The following MTRF1 variants were observed in gnomAD, a reference collection of about 807,000 sequenced individuals.
MTRF1 encodes the protein mitochondrial translation release factor 1, also known as peptide chain release factor 1, mitochondrial.
In MTRF1, 51 loss-of-function variants were observed where a neutral mutation model predicts 62.9. That is an observed-to-expected ratio of 0.81 (90% CI 0.65 to 1.02). The LOEUF is 1.02. MTRF1 is among the 50% of genes least tolerant of loss of function. MTRF1 has a pLI of 0.00. For missense variants in MTRF1, 446 were observed against 530.0 expected (o/e 0.84, Z 1.56); for synonymous variants, 158 against 181.9 (o/e 0.87, Z 1.06).
At chr13:41,240,195 G>T in intron 6 of MTRF1, 66 bp downstream of exon 6, 1 of 1,419,906 alleles carries the variant, frequency 7.0e-7, no homozygotes, top group Non-Finnish European at 9.5e-7. Context: ...TTTCCTAGAA[G>T]CTAAGGCTTC....
chr13:41,285,518 A>G, the MTRF1 span, among the ~76,000 whole-genome samples: 1 of 152,170 alleles, frequency 6.6e-6, no homozygotes, highest in Non-Finnish European at 1.5e-5. Context: ...GCCCTGCTGG[A>G]TGCTACAGAC....
Position 41,260,543 on chromosome 13 carries a change from T to C in MTRF1, c.365A>G (p.Glu122Gly). The change falls in exon 2 of 10, where the codon GAA (glutamate) becomes GGA (glycine). Residue 122 changes from glutamate (E) to glycine (G), a missense_variant. Transcript: ENST00000379480. ...ELAPLAAIYQ[E>G]IQETEQAIEE... ...AATTGCTTGTTCAGTCTCCTGAATT[T>C]CTTGGTAAATGGCTGCAAGAGGTGC... 1.9e-6 allele frequency: 3 copies of C among 1,614,130 alleles called. No homozygotes were observed. The highest frequency in any genetic ancestry group is 2.5e-6 in the Non-Finnish European group (3 of 1,180,008).
At chr13:41,271,091 A>ACACCC in the MTRF1 span, among the ~76,000 whole-genome samples, 2 of 137,128 alleles carry the variant, frequency 1.5e-5, no homozygotes, top group African/African-American at 5.5e-5. Flanking sequence ...ACACACACAC[A>ACACCC]CCCCATATAG....
At chr13:41,248,498 G>A (rs541746563) in intron 5 of MTRF1, among the ~76,000 whole-genome samples, 15 of 152,298 alleles carry the variant, frequency 9.8e-5, no homozygotes, top group African/African-American at 2.9e-4. Flanking sequence ...GGTACCACCA[G>A]TTGGCCCCTG....
At chr13:41,287,182 G>T in the MTRF1 span, among the ~76,000 whole-genome samples, 1 of 152,170 alleles carries the variant, frequency 6.6e-6, no homozygotes, top group African/African-American at 2.4e-5. Context: ...AGGTTTAATT[G>T]GCTCACGGTT....
At position 41,226,536 on chromosome 13, in the gene MTRF1, G is replaced by A; in HGVS notation, c.1021C>T (p.Gln341Ter). 1.2e-6 allele frequency: 2 copies of A among 1,613,744 alleles called. No homozygotes were observed. The highest frequency in any genetic ancestry group is 1.7e-6 in the Non-Finnish European group (2 of 1,179,902). The change falls in exon 8 of 10, where the codon CAG (glutamine) becomes TAG (stop). Residue 341 changes from glutamine to a stop codon, truncating the protein, a stop_gained. Coordinates refer to ENST00000379480, the MANE Select transcript of MTRF1 (RefSeq NM_004294.4). LOFTEE classifies it high-confidence loss of function. The stretch of plus-strand genomic sequence containing the variant: ...AAGGCTATTTCTTTATTTTTTATCT[G>A]TGATCTTTCTTGTTGGCATTCTACT... ...LVVECQQERS[Q>*]IKNKEIAFRV...
intron 7 of MTRF1, among the ~76,000 whole-genome samples, chr13:41,227,134 A>C (rs1256760261): frequency 1.3e-5 from 2 of 152,058 alleles, no homozygotes; most frequent in South Asian, 4.2e-4. Context: ...AAAAATACAA[A>C]AAATTAGCCA....
chr13:41,229,950 A>G (rs150960325), intron 7 of MTRF1, among the ~76,000 whole-genome samples: 2,413 of 152,008 alleles, frequency 0.016, 39 homozygotes, highest in Non-Finnish European at 0.02. Context: ...AAAATACAAA[A>G]ATTAGCCAGG....
chr13:41,259,691 G>A (rs2040173183), intron 2 of MTRF1, among the ~76,000 whole-genome samples: 2 of 20,682 alleles, frequency 9.7e-5, no homozygotes, highest in African/African-American at 1.5e-4. Flanking sequence ...GACAGAGCGA[G>A]ACTCCGTCTC....
chr13:41,230,325 C>T lies in MTRF1; in HGVS notation c.988+3565G>A, dbSNP rs150091611. Among the ~76,000 whole-genome samples the T allele has an allele frequency of 4.6e-3, 697 of 151,014 alleles. 5 individuals carry two copies. Among genetic ancestry groups the T allele is most frequent in the African/African-American group, 0.016 (641 of 41,112 alleles). ...TGTTGCCCAGGCTGGAGTGCAATGG[C>T]GTGATCTCAGTTCACTGCAACCTCT... On this transcript the variant is annotated intron_variant, in intron 7 of 9. Transcript: ENST00000379480.
chr13:41,311,893 C>A, the MTRF1 span, among the ~76,000 whole-genome samples: 4 of 152,246 alleles, frequency 2.6e-5, no homozygotes, highest in African/African-American at 9.6e-5. Context: ...TAGTGGCTGC[C>A]GTGCTCTCTG....
At chr13:41,295,233 G>A in the MTRF1 span, among the ~76,000 whole-genome samples, 11 of 152,258 alleles carry the variant, frequency 7.2e-5, no homozygotes, top group East Asian at 1.5e-3. Context: ...TCTTGAAGGT[G>A]TAGAAAAGCA....
At chr13:41,253,589 C>T (rs764213117) in intron 3 of MTRF1, among the ~76,000 whole-genome samples, 11 of 152,048 alleles carry the variant, frequency 7.2e-5, no homozygotes, top group Non-Finnish European at 1.0e-4. Context: ...AGAAAGTAAC[C>T]GACATTCCTC....
intron 2 of MTRF1, among the ~76,000 whole-genome samples, chr13:41,258,575 C>A (rs111863772): frequency 0.062 from 8,173 of 132,678 alleles, 273 homozygotes; most frequent in Non-Finnish European, 0.082. Context: ...AAAAAAAAAA[C>A]AAAAAAAAAA....
chr13:41,297,651 C>T, the MTRF1 span, among the ~76,000 whole-genome samples: 2 of 151,858 alleles, frequency 1.3e-5, no homozygotes, highest in Non-Finnish European at 2.9e-5. Flanking sequence ...TCTTGGCTCA[C>T]CACAACCTCT....
chr13:41,270,928 G>A, the MTRF1 span, among the ~76,000 whole-genome samples: 1 of 151,988 alleles, frequency 6.6e-6, no homozygotes, highest in Non-Finnish European at 1.5e-5. Flanking sequence ...TAGTAGAGAT[G>A]GGGTTTCACC....
the MTRF1 span, among the ~76,000 whole-genome samples, chr13:41,294,769 G>A: frequency 1.3e-5 from 2 of 152,136 alleles, no homozygotes; most frequent in East Asian, 3.8e-4. Context: ...GATAAGGTTT[G>A]TGAAAAGAAA....
chr13:41,258,668 C>A (rs563058938), intron 2 of MTRF1, among the ~76,000 whole-genome samples: 3 of 150,690 alleles, frequency 2.0e-5, no homozygotes, highest in African/African-American at 4.9e-5. Flanking sequence ...ATAAAAAATA[C>A]GTCAGTCTTG....
intron 5 of MTRF1, 35 bp downstream of exon 5, chr13:41,252,610 G>A (rs760615957): frequency 6.7e-7 from 1 of 1,497,798 alleles, no homozygotes; most frequent in South Asian, 1.1e-5. Context: ...ATAATTTTCA[G>A]TATCTCCTAC....
Sources: allele counts gnomAD v4.1 joint callset (sites outside exome capture counted in the v4.1 genomes callset), GRCh38; gene constraint gnomAD v4.1.1; transcripts MANE v1.5; gene names NCBI Gene and HGNC (gene_info 2026-07-23, HGNC 2026-07-21).